UBASH3B: variants seen among roughly 807,000 people sequenced by gnomAD.
UBASH3B encodes ubiquitin associated and SH3 domain containing B, also known as ubiquitin-associated and SH3 domain-containing protein B.
UBASH3B carries 37 observed loss-of-function variants against 83.4 expected under a neutral mutation model. That is an observed-to-expected ratio of 0.44 (90% CI 0.34 to 0.58). The LOEUF (loss-of-function observed/expected upper bound fraction) is 0.58, where lower values mean the gene tolerates loss of function less well. Ranked by LOEUF, UBASH3B falls within the 20% of genes least tolerant of loss-of-function variation. The pLI, the probability that UBASH3B is intolerant of heterozygous loss-of-function variation, is 0.01. For missense variants in UBASH3B, 657 were observed against 827.2 expected, an observed-to-expected ratio of 0.79 and a Z score of 2.52; for synonymous variants, 304 against 318.3, an observed-to-expected ratio of 0.96 and a Z score of 0.48.
At position 122,814,443 on chromosome 11, in the gene UBASH3B, A is replaced by G. The variant is rs1268961049; in HGVS notation, c.*4557A>G. The G allele has an allele frequency of 6.6e-6, 1 of 152,618 alleles. No homozygotes were observed. The highest frequency in any genetic ancestry group is 2.4e-5 in the African/African-American group (1 of 41,456). The allele number at this position is 152,618 out of a possible 1,614,324, so 9.5% of individuals were successfully genotyped here. A position where few individuals can be genotyped will look rare whatever the true frequency, so the allele number is the denominator to read the frequency against. ...AGCATCTCCATTAAATGGTTCATAG[A>G]TGATTTAATAAAAAGAAACTTCTCA... On this transcript the variant is annotated 3_prime_UTR_variant, in exon 14 of 14. Transcript: ENST00000284273.
chr11:122,744,004 G>A (rs941717559), intron 1 of UBASH3B, among the ~76,000 whole-genome samples: 4 of 152,238 alleles, frequency 2.6e-5, no homozygotes, highest in Non-Finnish European at 4.4e-5. Flanking sequence ...CTGCTCAGGA[G>A]CTGAGCCAAG....
intron 1 of UBASH3B, among the ~76,000 whole-genome samples, chr11:122,704,261 A>G (rs996579893): frequency 6.6e-6 from 1 of 152,204 alleles, no homozygotes; most frequent in Non-Finnish European, 1.5e-5. Context: ...TCTTCCTCTG[A>G]GAAGGTGGCT....
At chr11:122,663,911 A>G (rs1863480995) in intron 1 of UBASH3B, among the ~76,000 whole-genome samples, 1 of 152,212 alleles carries the variant, frequency 6.6e-6, no homozygotes, top group Admixed American at 6.5e-5. Context: ...TTTGTGAGAG[A>G]AGGGTGCCAA....
intron 1 of UBASH3B, among the ~76,000 whole-genome samples, chr11:122,741,585 C>T (rs374855818): frequency 2.6e-5 from 4 of 152,134 alleles, no homozygotes; most frequent in African/African-American, 4.8e-5. Context: ...CTGAAATCCT[C>T]GCGGGTCTCC....
At chr11:122,803,033 A>G (rs1861283428) in intron 11 of UBASH3B, among the ~76,000 whole-genome samples, 1 of 152,098 alleles carries the variant, frequency 6.6e-6, no homozygotes. Context: ...GTCAATGTAC[A>G]CTCAGATACA....
chr11:122,765,824 T>C (rs1192252260), intron 1 of UBASH3B, among the ~76,000 whole-genome samples: 2 of 152,156 alleles, frequency 1.3e-5, no homozygotes, highest in Admixed American at 1.3e-4. Context: ...TGGGCTATGA[T>C]TGTGGCTTTA....
At chr11:122,785,953 C>G (rs1860941505) in intron 5 of UBASH3B, among the ~76,000 whole-genome samples, 1 of 152,208 alleles carries the variant, frequency 6.6e-6, no homozygotes, top group Admixed American at 6.5e-5. Context: ...GCTGTGGCTG[C>G]ATTTCATTCA....
intron 11 of UBASH3B, among the ~76,000 whole-genome samples, chr11:122,805,327 C>G (rs1379231858): frequency 1.3e-5 from 2 of 152,110 alleles, no homozygotes; most frequent in Non-Finnish European, 2.9e-5. Flanking sequence ...GTCAGGAGTT[C>G]AAGACCAGCC....
intron 10 of UBASH3B, among the ~76,000 whole-genome samples, chr11:122,800,658 G>T (rs12363106): frequency 6.6e-6 from 1 of 151,878 alleles, no homozygotes; most frequent in Non-Finnish European, 1.5e-5. Context: ...ACCAAGGCTG[G>T]AGTGCAGCTG....
intron 1 of UBASH3B, among the ~76,000 whole-genome samples, chr11:122,719,109 C>T (rs1033028400): frequency 2.0e-5 from 3 of 152,184 alleles, no homozygotes; most frequent in South Asian, 2.1e-4. Context: ...AGCATGATTA[C>T]GTTAGATTGG....
At chr11:122,661,584 C>T (rs1863438831) in intron 1 of UBASH3B, among the ~76,000 whole-genome samples, 1 of 152,220 alleles carries the variant, frequency 6.6e-6, no homozygotes, top group South Asian at 2.1e-4. Context: ...AGTCTCTAAT[C>T]TACCTGCTGT....
chr11:122,761,067 C>A (rs1254482531), intron 1 of UBASH3B, among the ~76,000 whole-genome samples: 1 of 152,150 alleles, frequency 6.6e-6, no homozygotes, highest in East Asian at 1.9e-4. Context: ...TAGAATCTGA[C>A]CTATAGTCTG....
At chr11:122,792,549 C>T (rs1364197075) in intron 6 of UBASH3B, among the ~76,000 whole-genome samples, 1 of 152,074 alleles carries the variant, frequency 6.6e-6, no homozygotes, top group Admixed American at 6.6e-5. Flanking sequence ...GAACTCCTAA[C>T]CCCAGGTGAT....
chr11:122,738,527 C>T (rs1860972076), intron 1 of UBASH3B, among the ~76,000 whole-genome samples: 1 of 152,134 alleles, frequency 6.6e-6, no homozygotes, highest in African/African-American at 2.4e-5. Context: ...AGCATGACAA[C>T]AGATGTGGTC....
Position 122,808,328 on chromosome 11 carries a change from T to C in UBASH3B, c.1812+152T>C, listed in dbSNP as rs904070703. On this transcript the variant is annotated intron_variant, in intron 13 of 13. Coordinates refer to ENST00000284273, the MANE Select transcript of UBASH3B (RefSeq NM_032873.5). ...CACTCAACCAAGATGTATTGAGTGATACTCTGTGCAGGGCACTTTATTAAG... is the reference window on the plus strand; with the variant it reads ...CACTCAACCAAGATGTATTGAGTGACACTCTGTGCAGGGCACTTTATTAAG... 2.6e-5 allele frequency: 19 copies of C among 722,640 alleles called. No individual in the cohort carries two copies. The Admixed American group carries it at 3.1e-4, about 12-fold the overall frequency. The allele number at this position is 722,640 out of a possible 1,614,324, so 44.8% of individuals were successfully genotyped here.
chr11:122,722,907 A>G (rs146930703), intron 1 of UBASH3B, among the ~76,000 whole-genome samples: 2,337 of 152,070 alleles, frequency 0.015, 69 homozygotes, highest in African/African-American at 0.053. Flanking sequence ...GGGTTTCACC[A>G]TGTTAGCCAG....
intron 1 of UBASH3B, among the ~76,000 whole-genome samples, chr11:122,768,865 A>T (rs1244139138): frequency 6.6e-6 from 1 of 152,010 alleles, no homozygotes; most frequent in Non-Finnish European, 1.5e-5. Context: ...ATTGACAACT[A>T]CTCAGTACAC....
chr11:122,727,594 C>T (rs1226653200), intron 1 of UBASH3B: 2 of 152,144 alleles, frequency 1.3e-5, no homozygotes, highest in Non-Finnish European at 2.9e-5. Flanking sequence ...CACCAGGAGA[C>T]AAGGACAGCG....
At chr11:122,778,010 A>T (rs185257708) in intron 3 of UBASH3B, among the ~76,000 whole-genome samples, 6 of 152,092 alleles carry the variant, frequency 3.9e-5, no homozygotes, top group African/African-American at 7.2e-5. Flanking sequence ...GATTATAGGC[A>T]TGAGCCACCA....
Sources: allele counts gnomAD v4.1 joint callset (sites outside exome capture counted in the v4.1 genomes callset), GRCh38; gene constraint gnomAD v4.1.1; transcripts MANE v1.5; gene names NCBI Gene and HGNC (gene_info 2026-07-23, HGNC 2026-07-21).